Variants in TBC1D32 observed in about 807,000 individuals in gnomAD.
TBC1D32 encodes the protein TBC1 domain family member 32, also known as protein broad-minded.
In TBC1D32, 151 loss-of-function variants were observed where a neutral mutation model predicts 170.3. The observed-to-expected ratio is 0.89, with a 90% CI of 0.78 to 1.01. The LOEUF (loss-of-function observed/expected upper bound fraction) is 1.01. TBC1D32 is among the 50% of genes least tolerant of loss of function. The probability of loss-of-function intolerance (pLI) is 0.00; values close to 1 mark genes in which losing one functional copy is unlikely to be tolerated. For missense variants in TBC1D32, 1,464 were observed against 1,457.1 expected (o/e 1.00, Z -0.08); for synonymous variants, 498 against 488.0 (o/e 1.02, Z -0.27).
Position 121,115,171 on chromosome 6 carries a change from C to A in TBC1D32, c.3053+1G>T. The A allele has an allele frequency of 6.3e-7, 1 of 1,593,306 alleles. No homozygotes were observed. The highest frequency in any genetic ancestry group is 8.6e-7 in the Non-Finnish European group (1 of 1,168,116). ...AAGGGAGCTATTTCCCTATAATATA[C>A]CTGACAGTCATTTTAATGCCAAGCT... On this transcript the variant is annotated splice_donor_variant, in intron 27 of 31. Coordinates refer to ENST00000398212, the MANE Select transcript of TBC1D32 (RefSeq NM_152730.6). LOFTEE classifies it high-confidence loss of function.
chr6:121,256,949 G>A (rs955609209), intron 15 of TBC1D32, among the ~76,000 whole-genome samples: 4 of 152,214 alleles, frequency 2.6e-5, no homozygotes, highest in Admixed American at 6.5e-5. Context: ...TGGGATTACA[G>A]GTGTGAGCCA....
chr6:121,283,366 G>A (rs180832789), intron 13 of TBC1D32, among the ~76,000 whole-genome samples: 52 of 151,890 alleles, frequency 3.4e-4, no homozygotes, highest in Middle Eastern at 3.4e-3. Flanking sequence ...TGAAAAACAT[G>A]AACGGTTTTT....
intron 24 of TBC1D32, among the ~76,000 whole-genome samples, chr6:121,155,027 A>T (rs948580529): frequency 6.6e-6 from 1 of 152,156 alleles, no homozygotes; most frequent in African/African-American, 2.4e-5. Context: ...CATATTTCTA[A>T]TTCTGTGAAA....
At chr6:121,280,192 C>T (rs1384425970) in intron 14 of TBC1D32, among the ~76,000 whole-genome samples, 1 of 3,258 alleles carries the variant, frequency 3.1e-4, no homozygotes, top group East Asian at 0.083. Context: ...GAATACATTC[C>T]TTCTTTCACG....
intron 12 of TBC1D32, among the ~76,000 whole-genome samples, chr6:121,288,755 T>G (rs1804317620): frequency 6.6e-6 from 1 of 151,810 alleles, no homozygotes; most frequent in Admixed American, 6.6e-5. Context: ...AAATCCTCAA[T>G]AAAATACTGG....
intron 29 of TBC1D32, among the ~76,000 whole-genome samples, chr6:121,109,617 A>G (rs1779015070): frequency 6.6e-6 from 1 of 152,162 alleles, no homozygotes; most frequent in Non-Finnish European, 1.5e-5. Flanking sequence ...CTCCATAAAG[A>G]ATAACTATTT....
intron 24 of TBC1D32, among the ~76,000 whole-genome samples, chr6:121,132,626 C>T (rs999410551): frequency 6.6e-6 from 1 of 151,826 alleles, no homozygotes; most frequent in African/African-American, 2.4e-5. Flanking sequence ...CAGTTTAATT[C>T]TCAGATTCTG....
intron 26 of TBC1D32, among the ~76,000 whole-genome samples, chr6:121,118,101 T>G (rs576930830): frequency 4.6e-5 from 7 of 152,090 alleles, no homozygotes; most frequent in Non-Finnish European, 1.0e-4. Flanking sequence ...AATGAATGAA[T>G]GAGTAAATGA....
At chr6:121,179,587 CAATA>C (rs2128269556) in intron 22 of TBC1D32, among the ~76,000 whole-genome samples, 1 of 151,946 alleles carries the variant, frequency 6.6e-6, no homozygotes, top group South Asian at 2.1e-4. Context: ...GTGAAGAGTT[CAATA>C]AATAAAGTCA....
intron 15 of TBC1D32, among the ~76,000 whole-genome samples, chr6:121,272,968 A>T (rs1318887350): frequency 1.3e-5 from 2 of 152,044 alleles, no homozygotes; most frequent in Non-Finnish European, 2.9e-5. Flanking sequence ...AGGAACATGG[A>T]TGAAACTGGA....
intron 22 of TBC1D32, among the ~76,000 whole-genome samples, chr6:121,173,048 G>T (rs538682749): frequency 6.6e-6 from 1 of 152,172 alleles, no homozygotes; most frequent in South Asian, 2.1e-4. Flanking sequence ...TTCTGGGTGG[G>T]TCTGTGAGGG....
At chr6:121,319,665 A>C (rs1563389109) in intron 2 of TBC1D32, among the ~76,000 whole-genome samples, 1 of 152,226 alleles carries the variant, frequency 6.6e-6, no homozygotes, top group Non-Finnish European at 1.5e-5. Context: ...AAAATCTATA[A>C]GTTTCGCTTT....
At chr6:121,288,471 A>C (rs1485217719) in intron 12 of TBC1D32, among the ~76,000 whole-genome samples, 2 of 152,216 alleles carry the variant, frequency 1.3e-5, no homozygotes, top group Non-Finnish European at 2.9e-5. Flanking sequence ...TGAATCTCTG[A>C]ATAGACCAAT....
chr6:121,232,753 C>A lies in TBC1D32; in HGVS notation c.2364+6317G>T, dbSNP rs376018837. Among the ~76,000 whole-genome samples, 6 of 151,064 alleles carry A rather than the reference C, an allele frequency of 4.0e-5. No individual in the cohort carries two copies. In the South Asian group the frequency reaches 6.3e-4, roughly 16 times the overall value. ...CTTGGTGTTCATTATTTCTTTTTTC[C>A]TGCTGGGTTTGGTTTTGGATTATTC... On this transcript the variant is annotated intron_variant, in intron 20 of 31. Transcript: ENST00000398212.
At chr6:121,273,245 A>T (rs942084505) in intron 15 of TBC1D32, among the ~76,000 whole-genome samples, 1 of 151,446 alleles carries the variant, frequency 6.6e-6, no homozygotes, top group Non-Finnish European at 1.5e-5. Flanking sequence ...GTACCCTAGA[A>T]CTTAAAGTAT....
At chr6:121,321,958 T>C (rs530130882) in intron 1 of TBC1D32, among the ~76,000 whole-genome samples, 164 bp from the exon 2 acceptor site, 3 of 151,774 alleles carry the variant, frequency 2.0e-5, no homozygotes, top group African/African-American at 7.2e-5. Flanking sequence ...TTTGGCTTTT[T>C]TTTTTCTGAG....
chr6:121,175,195 CT>C (rs1192712442), intron 22 of TBC1D32, among the ~76,000 whole-genome samples: 2 of 152,102 alleles, frequency 1.3e-5, no homozygotes, highest in East Asian at 1.9e-4. Context: ...TAGGGAGACA[CT>C]TTTCTTTCTT....
At chr6:121,283,227 C>T (rs960790328) in intron 13 of TBC1D32, among the ~76,000 whole-genome samples, 1 of 151,762 alleles carries the variant, frequency 6.6e-6, no homozygotes, top group Non-Finnish European at 1.5e-5. Flanking sequence ...TATGTCTATG[C>T]ACACTGGTGT....
At chr6:121,261,677 T>A (rs532402165) in intron 15 of TBC1D32, among the ~76,000 whole-genome samples, 1 of 152,026 alleles carries the variant, frequency 6.6e-6, no homozygotes, top group Non-Finnish European at 1.5e-5. Flanking sequence ...TGAGAAAGAA[T>A]CAATGAAAAA....
Sources: allele counts gnomAD v4.1 joint callset (sites outside exome capture counted in the v4.1 genomes callset), GRCh38; gene constraint gnomAD v4.1.1; transcripts MANE v1.5; gene names NCBI Gene and HGNC (gene_info 2026-07-23, HGNC 2026-07-21).